The following LRP1B variants were observed in gnomAD, a reference collection of about 807,000 sequenced individuals.
The protein encoded by LRP1B is low-density lipoprotein receptor-related protein 1B.
LRP1B carries 217 observed loss-of-function variants against 556.6 expected under a neutral mutation model. The ratio of observed to expected loss-of-function variants is 0.39; its 90% CI spans 0.35 to 0.44. The LOEUF is 0.44. Ranked by LOEUF, LRP1B falls within the 20% of genes least tolerant of loss-of-function variation. The probability of loss-of-function intolerance (pLI) is 1.00; values close to 1 mark genes in which losing one functional copy is unlikely to be tolerated. For synonymous variants in LRP1B, 2,047 were observed against 1,865.8 expected (o/e 1.10, Z -2.50); for missense variants, 5,053 against 5,620.8 (o/e 0.90, Z 3.23).
intron 2 of LRP1B, among the ~76,000 whole-genome samples, chr2:141,751,448 T>C (rs1694108463): frequency 6.6e-6 from 1 of 152,154 alleles, no homozygotes; most frequent in Non-Finnish European, 1.5e-5. Context: ...CCAAAATAAA[T>C]GTGTTGTGAT....
intron 3 of LRP1B, among the ~76,000 whole-genome samples, chr2:141,434,229 T>C (rs1559068599): frequency 6.6e-6 from 1 of 152,172 alleles, no homozygotes; most frequent in East Asian, 1.9e-4. Context: ...TATGGGTATG[T>C]TGGTGCAGTA....
At chr2:141,887,148 A>G (rs1436850159) in intron 1 of LRP1B, among the ~76,000 whole-genome samples, 1 of 151,984 alleles carries the variant, frequency 6.6e-6, no homozygotes, top group East Asian at 1.9e-4. Flanking sequence ...GGCATGTGCC[A>G]CCATGCCTTG....
intron 10 of LRP1B, among the ~76,000 whole-genome samples, chr2:141,052,522 A>G (rs1307865243): frequency 6.6e-6 from 1 of 152,006 alleles, no homozygotes; most frequent in East Asian, 1.9e-4. Context: ...CTGAGTTGCT[A>G]TTATTACAAA....
At chr2:141,769,505 C>T (rs765088779) in intron 2 of LRP1B, among the ~76,000 whole-genome samples, 12 of 151,994 alleles carry the variant, frequency 7.9e-5, no homozygotes, top group Admixed American at 2.6e-4. Flanking sequence ...GGTGTTGGTT[C>T]GAATCAGAGG....
At chr2:140,579,226 T>C (rs1681661062) in intron 43 of LRP1B, among the ~76,000 whole-genome samples, 1 of 152,096 alleles carries the variant, frequency 6.6e-6, no homozygotes. Flanking sequence ...GAATATATAT[T>C]GAAGAAAGAT....
Position 140,450,610 on chromosome 2 carries a change from C to T in LRP1B, c.10015G>A (p.Val3339Met), listed in dbSNP as rs1205906807. 9.9e-6 allele frequency: 16 copies of T among 1,612,752 alleles called. No homozygotes were observed. Among genetic ancestry groups the T allele is most frequent in the East Asian group, 2.2e-5 (1 of 44,844 alleles). ...CIPFWWKCDT[V>M]DDCGDGSDEP... ...TCAGATCCATCACCACAGTCATCCACGGTGTCACATTTCCACCAGAATGGA... is the reference window on the plus strand; with the variant it reads ...TCAGATCCATCACCACAGTCATCCATGGTGTCACATTTCCACCAGAATGGA... Residue 3339 changes from valine (V) to methionine (M), a missense_variant, in exon 63 of 91, where the codon GTG (valine) becomes ATG (methionine). This residue lies in a region of LRP1B where 262 missense variants were observed against 395.1 expected (regional missense o/e 0.66). Coordinates refer to ENST00000389484, the MANE Select transcript of LRP1B (RefSeq NM_018557.3).
intron 1 of LRP1B, among the ~76,000 whole-genome samples, chr2:141,909,231 T>G (rs1355899258): frequency 6.6e-6 from 1 of 152,092 alleles, no homozygotes; most frequent in African/African-American, 2.4e-5. Context: ...TCTATATTGC[T>G]TAAAGTTGAG....
intron 1 of LRP1B, among the ~76,000 whole-genome samples, chr2:141,919,361 A>C (rs1012574638): frequency 1.3e-5 from 2 of 152,088 alleles, no homozygotes; most frequent in Non-Finnish European, 2.9e-5. Context: ...TTCTGATACC[A>C]CTATTTCATA....
chr2:141,409,889 T>C (rs1264973636), intron 3 of LRP1B, among the ~76,000 whole-genome samples: 1 of 151,868 alleles, frequency 6.6e-6, no homozygotes, highest in Admixed American at 6.6e-5. Context: ...GAAGAGAGAA[T>C]GCTTGGCAAG....
intron 2 of LRP1B, among the ~76,000 whole-genome samples, chr2:141,586,941 C>CAAAAAAAAAAA (rs769891211): frequency 2.8e-4 from 20 of 71,512 alleles, no homozygotes; most frequent in South Asian, 4.9e-4. Context: ...GACTCCATCT[C>CAAAAAAAAAAA]AAAAAAAAAA....
At chr2:141,860,267 C>G (rs1698194787) in intron 1 of LRP1B, among the ~76,000 whole-genome samples, 1 of 152,094 alleles carries the variant, frequency 6.6e-6, no homozygotes. Context: ...AGCACTGTCC[C>G]AGAAGTTAGC....
At chr2:140,626,963 C>A (rs1251493204) in intron 41 of LRP1B, among the ~76,000 whole-genome samples, 1 of 152,172 alleles carries the variant, frequency 6.6e-6, no homozygotes, top group Non-Finnish European at 1.5e-5. Flanking sequence ...TAGAACTAGA[C>A]TGTTCTACAG....
chr2:141,632,176 G>C (rs1688938541), intron 2 of LRP1B, among the ~76,000 whole-genome samples: 1 of 151,836 alleles, frequency 6.6e-6, no homozygotes, highest in Non-Finnish European at 1.5e-5. Flanking sequence ...CACCCACCTC[G>C]GCCTCCCAAA....
chr2:141,183,786 G>C (rs970413889), intron 7 of LRP1B, among the ~76,000 whole-genome samples: 49 of 151,794 alleles, frequency 3.2e-4, no homozygotes, highest in African/African-American at 1.2e-3. Context: ...TTTGAACCTG[G>C]GTTTTATCAA....
chr2:140,593,442 A>T (rs924009415), intron 43 of LRP1B, among the ~76,000 whole-genome samples: 2 of 152,226 alleles, frequency 1.3e-5, no homozygotes, highest in Non-Finnish European at 2.9e-5. Context: ...AACAGAGATG[A>T]TGATAGATAC....
intron 1 of LRP1B, among the ~76,000 whole-genome samples, chr2:141,921,357 T>C (rs904753078): frequency 1.3e-5 from 2 of 152,042 alleles, no homozygotes; most frequent in African/African-American, 2.4e-5. Flanking sequence ...GTGCAGAATA[T>C]TGTCCATGAA....
intron 41 of LRP1B, among the ~76,000 whole-genome samples, chr2:140,697,367 T>C (rs1179655119): frequency 6.6e-6 from 1 of 152,062 alleles, no homozygotes; most frequent in Non-Finnish European, 1.5e-5. Flanking sequence ...CACTGAGTGA[T>C]CTCATGAAAT....
chr2:141,138,157 A>T (rs1701537438), intron 7 of LRP1B, among the ~76,000 whole-genome samples: 1 of 151,994 alleles, frequency 6.6e-6, no homozygotes, highest in Non-Finnish European at 1.5e-5. Context: ...AATGTAATTA[A>T]TCATATTTAC....
chr2:141,106,360 G>A (rs1700602078), intron 7 of LRP1B, among the ~76,000 whole-genome samples: 1 of 152,116 alleles, frequency 6.6e-6, no homozygotes, highest in Non-Finnish European at 1.5e-5. Flanking sequence ...ACACCTAGGT[G>A]CTTAAAACCA....
Sources: allele counts gnomAD v4.1 joint callset (sites outside exome capture counted in the v4.1 genomes callset), GRCh38; gene constraint gnomAD v4.1.1; regional missense constraint gnomAD v4.1.1; transcripts MANE v1.5; gene names NCBI Gene and HGNC (gene_info 2026-07-23, HGNC 2026-07-21).